Variants in OXCT1 observed in about 807,000 individuals in gnomAD.
OXCT1 encodes the protein 3-oxoacid CoA-transferase 1.
A neutral mutation model predicts 69.6 loss-of-function variants in OXCT1; 27 were observed. That is an observed-to-expected ratio of 0.39 (90% CI 0.29 to 0.54). The LOEUF (loss-of-function observed/expected upper bound fraction) is 0.54. OXCT1 is among the 20% of genes least tolerant of loss of function. The pLI, the probability that OXCT1 is intolerant of heterozygous loss-of-function variation, is 0.72. For missense variants in OXCT1, 437 were observed against 650.2 expected (o/e 0.67, Z 3.57); for synonymous variants, 202 against 217.8 (o/e 0.93, Z 0.64).
At chr5:41,834,855 C>T (rs1748278610) in intron 7 of OXCT1, among the ~76,000 whole-genome samples, 2 of 151,848 alleles carry the variant, frequency 1.3e-5, no homozygotes, top group African/African-American at 2.4e-5. Context: ...ATAAAAATTA[C>T]TAAGAGGAAA....
chr5:41,732,587 C>G (rs866297966), intron 16 of OXCT1, among the ~76,000 whole-genome samples: 23 of 152,124 alleles, frequency 1.5e-4, no homozygotes, highest in African/African-American at 5.3e-4. Flanking sequence ...TAGTAACAGT[C>G]CCCATGGGAA....
chr5:41,803,555 G>A (rs538273554), intron 9 of OXCT1, among the ~76,000 whole-genome samples: 19 of 151,948 alleles, frequency 1.3e-4, no homozygotes, highest in African/African-American at 4.1e-4. Context: ...AGTAAAGATC[G>A]TTTTTCATCG....
At position 41,732,215 on chromosome 5, in the gene OXCT1, A is replaced by G. The variant is rs548576517; in HGVS notation, c.1522-445T>C. Reference sequence around the variant, plus strand: ...GAAAGATGCTTTATGTAATCTTTGGATTACCTAAATACATATTAATGAAGA... The same window carrying G: ...GAAAGATGCTTTATGTAATCTTTGGGTTACCTAAATACATATTAATGAAGA... On this transcript the variant is annotated intron_variant, in intron 16 of 16. Transcript: ENST00000196371. Among the ~76,000 whole-genome samples, 5 of 152,330 alleles carry G rather than the reference A, an allele frequency of 3.3e-5. 1 individual carries two copies. The highest frequency in any genetic ancestry group is 1.2e-4 in the African/African-American group (5 of 41,566).
At position 41,731,312 on chromosome 5, in the gene OXCT1, A is replaced by G. The variant is rs1258691103; in HGVS notation, c.*417T>C. On this transcript the variant is annotated 3_prime_UTR_variant, in exon 17 of 17. Coordinates refer to ENST00000196371, the MANE Select transcript of OXCT1 (RefSeq NM_000436.4). ...GTCAGAGGAGGCTGAAGAAAAAACA[A>G]TCATGACAGCAACTCTCCTAACCAC... is the stretch of plus-strand genomic sequence containing the variant. 2.1e-6 allele frequency: 2 copies of G among 957,852 alleles called. No homozygotes were observed. Among genetic ancestry groups the G allele is most frequent in the Non-Finnish European group, 2.5e-6 (2 of 798,328 alleles). The allele number at this position is 957,852 out of a possible 1,614,324, so 59.3% of individuals were successfully genotyped here.
chr5:41,755,200 A>ATAAG, intron 14 of OXCT1, among the ~76,000 whole-genome samples: 1 of 152,062 alleles, frequency 6.6e-6, no homozygotes, highest in Admixed American at 6.6e-5. Flanking sequence ...AAGAATTTAA[A>ATAAG]GTGATAAGGT....
chr5:41,736,790 T>G (rs988147192), intron 16 of OXCT1, among the ~76,000 whole-genome samples: 2 of 152,198 alleles, frequency 1.3e-5, no homozygotes, highest in Non-Finnish European at 2.9e-5. Flanking sequence ...ATCATTCCCT[T>G]CTAGAATGTT....
intron 16 of OXCT1, among the ~76,000 whole-genome samples, chr5:41,738,465 C>G (rs1051196999): frequency 3.9e-5 from 6 of 152,202 alleles, no homozygotes; most frequent in African/African-American, 1.4e-4. Flanking sequence ...TGCACACACT[C>G]TCTTGCTTGC....
Position 41,850,120 on chromosome 5 carries a change from T to C in OXCT1, c.474A>G (p.Pro158=). 1 of 1,613,970 alleles carries C rather than the reference T, an allele frequency of 6.2e-7. No individual in the cohort carries two copies. Among genetic ancestry groups the C allele is most frequent in the Non-Finnish European group, 8.5e-7 (1 of 1,179,906 alleles). ...CTTGTACCAGGGTCCCATACCCTGT[T>C]GGGGTGTAAAATGCAGGAACTCCAG... ...GGAGVPAFYT[P]TGYGTLVQEG... The change falls in exon 5 of 17, where the codon CCA becomes CCG. Residue 158 remains proline (P), a synonymous_variant. Coordinates refer to ENST00000196371, the MANE Select transcript of OXCT1 (RefSeq NM_000436.4).
At chr5:41,857,661 A>G (rs1338878437) in intron 3 of OXCT1, among the ~76,000 whole-genome samples, 1 of 152,160 alleles carries the variant, frequency 6.6e-6, no homozygotes, top group Non-Finnish European at 1.5e-5. Context: ...TCCTAGTAAC[A>G]GCTCCCTGCC....
chr5:41,791,520 A>T (rs1745915962), intron 13 of OXCT1, among the ~76,000 whole-genome samples: 3 of 152,250 alleles, frequency 2.0e-5, no homozygotes, highest in African/African-American at 4.8e-5. Context: ...CCTACAAATA[A>T]CTACATAGTG....
intron 13 of OXCT1, among the ~76,000 whole-genome samples, chr5:41,770,659 G>T (rs1332600356): frequency 1.3e-5 from 2 of 152,006 alleles, no homozygotes; most frequent in East Asian, 1.9e-4. Flanking sequence ...TGTTTCTGAG[G>T]CCAAATTAAA....
intron 13 of OXCT1, among the ~76,000 whole-genome samples, chr5:41,788,230 C>T (rs1209241909): frequency 6.6e-6 from 1 of 151,756 alleles, no homozygotes; most frequent in Non-Finnish European, 1.5e-5. Context: ...CCTAGAGAAG[C>T]CACTAAAAAG....
intron 2 of OXCT1, among the ~76,000 whole-genome samples, chr5:41,861,927 A>T (rs1186271462): frequency 1.3e-5 from 2 of 152,172 alleles, no homozygotes; most frequent in Non-Finnish European, 2.9e-5. Context: ...AGCAGGCAGC[A>T]AGTTGGGTGT....
chr5:41,802,551 A>G (rs1746470750), intron 10 of OXCT1, among the ~76,000 whole-genome samples: 1 of 152,100 alleles, frequency 6.6e-6, no homozygotes. Flanking sequence ...TTTTGAGGCA[A>G]TCAACTCAAA....
chr5:41,858,047 T>C (rs1437857903), intron 3 of OXCT1, among the ~76,000 whole-genome samples: 1 of 152,214 alleles, frequency 6.6e-6, no homozygotes, highest in African/African-American at 2.4e-5. Context: ...TGGCTCTATT[T>C]GGAGATCACA....
At chr5:41,829,844 A>G (rs991390698) in intron 7 of OXCT1, among the ~76,000 whole-genome samples, 6 of 152,164 alleles carry the variant, frequency 3.9e-5, no homozygotes, top group Admixed American at 2.6e-4. Flanking sequence ...CTCAACTACA[A>G]TATGTCTTCA....
At chr5:41,754,285 C>T (rs1743953754) in intron 14 of OXCT1, among the ~76,000 whole-genome samples, 1 of 152,090 alleles carries the variant, frequency 6.6e-6, no homozygotes, top group Non-Finnish European at 1.5e-5. Flanking sequence ...TATCAACACC[C>T]TTGCTCTTTC....
chr5:41,741,366 C>T (rs1743158638), intron 15 of OXCT1, among the ~76,000 whole-genome samples: 1 of 152,122 alleles, frequency 6.6e-6, no homozygotes, highest in Non-Finnish European at 1.5e-5. Flanking sequence ...GAACCCTGGC[C>T]TTTGAGCTCA....
chr5:41,822,789 A>G (rs978534991), intron 7 of OXCT1, among the ~76,000 whole-genome samples: 4 of 152,066 alleles, frequency 2.6e-5, no homozygotes, highest in Admixed American at 1.3e-4. Flanking sequence ...CTTTTGATTA[A>G]TGTTAGAATA....
Sources: gnomAD v4.1 joint callset for allele counts (sites outside exome capture counted in the v4.1 genomes callset) on GRCh38, gnomAD v4.1.1 for gene constraint, MANE v1.5 for transcripts, NCBI Gene and HGNC (gene_info 2026-07-23, HGNC 2026-07-21) for gene names.